The following ANKRD45 variants were observed in gnomAD, a reference collection of about 807,000 sequenced individuals.
ANKRD45 encodes ankyrin repeat domain 45, also known as ankyrin repeat domain-containing protein 45.
Under a neutral mutation model 28.1 loss-of-function variants are expected in ANKRD45, and 21 were observed. The ratio of observed to expected loss-of-function variants is 0.75; its 90% CI spans 0.53 to 1.08. The LOEUF (loss-of-function observed/expected upper bound fraction) is 1.08. Ranked by LOEUF, ANKRD45 falls within the 50% of genes least tolerant of loss-of-function variation. The pLI, the probability that ANKRD45 is intolerant of heterozygous loss-of-function variation, is 0.00. For missense variants in ANKRD45, 261 were observed against 308.7 expected (o/e 0.85, Z 1.16); for synonymous variants, 86 against 103.9 (o/e 0.83, Z 1.05).
chr1:173,714,653 A>G, the ANKRD45 span, among the ~76,000 whole-genome samples: 1 of 152,252 alleles, frequency 6.6e-6, no homozygotes, highest in Non-Finnish European at 1.5e-5. Context: ...CTAAAAAGAA[A>G]TACAAATTCT....
At chr1:173,632,528 C>CAA (rs539157127) in intron 3 of ANKRD45, among the ~76,000 whole-genome samples, 193 of 114,676 alleles carry the variant, frequency 1.7e-3, no homozygotes, top group African/African-American at 5.3e-3. Context: ...AAAGACACAT[C>CAA]AAAAAAAAAA....
Position 173,610,058 on chromosome 1 carries a change from C to G in ANKRD45, c.*87G>C, listed in dbSNP as rs1667074793. On this transcript the variant is annotated 3_prime_UTR_variant, in exon 6 of 6. Transcript: ENST00000333279. ...TTGTACTTAAATACTTAAAGAAACCCACATCTGTTTTCTCGATTTCAAATG... is the reference window on the plus strand; with the variant it reads ...TTGTACTTAAATACTTAAAGAAACCGACATCTGTTTTCTCGATTTCAAATG... The G allele has an allele frequency of 1.5e-6, 2 of 1,318,830 alleles. No individual in the cohort carries two copies. The highest frequency in any genetic ancestry group is 1.5e-5 in the African/African-American group (1 of 67,838). The allele number at this position is 1,318,830 out of a possible 1,614,324, so 81.7% of individuals were successfully genotyped here.
the ANKRD45 span, among the ~76,000 whole-genome samples, chr1:173,688,791 GTCTC>G: frequency 1.2e-4 from 16 of 128,098 alleles, no homozygotes; most frequent in Admixed American, 9.0e-4. Context: ...TTTCCTCTCT[GTCTC>G]TCTCTCTCTT....
At chr1:173,657,470 GA>G (rs761648464) in intron 2 of ANKRD45, 329 of 141,184 alleles carry the variant, frequency 2.3e-3, no homozygotes, top group South Asian at 0.014. Context: ...TCTGTCTCAA[GA>G]AAAAAAAAAA....
At chr1:173,656,535 A>C (rs1380439903) in intron 2 of ANKRD45, among the ~76,000 whole-genome samples, 2 of 152,210 alleles carry the variant, frequency 1.3e-5, no homozygotes, top group African/African-American at 4.8e-5. Context: ...TCTGGAGAAA[A>C]AAGCCCTGAT....
chr1:173,641,252 G>C (rs1302799883), intron 3 of ANKRD45, among the ~76,000 whole-genome samples: 2 of 152,150 alleles, frequency 1.3e-5, no homozygotes, highest in East Asian at 3.8e-4. Flanking sequence ...CGATTGTTAC[G>C]CTTGTGCACA....
At chr1:173,673,590 T>C (rs892964355), upstream of ANKRD45, among the ~76,000 whole-genome samples, 10 of 150,258 alleles carry the variant, frequency 6.7e-5, no homozygotes, top group Non-Finnish European at 4.4e-5. Context: ...AAATTATCTC[T>C]AATCCTTATA....
chr1:173,708,273 G>A, the ANKRD45 span, among the ~76,000 whole-genome samples: 1 of 152,184 alleles, frequency 6.6e-6, no homozygotes, highest in African/African-American at 2.4e-5. Flanking sequence ...AATCCTAAAT[G>A]TGACATTATT....
intron 5 of ANKRD45, 61 bp downstream of exon 5, chr1:173,624,723 TAAC>T (rs1280159187): frequency 4.7e-6 from 7 of 1,494,820 alleles, no homozygotes; most frequent in Non-Finnish European, 6.4e-6. Context: ...ATCTCAAAAA[TAAC>T]AACATTGAAC....
At chr1:173,699,184 C>T in the ANKRD45 span, among the ~76,000 whole-genome samples, 3 of 152,162 alleles carry the variant, frequency 2.0e-5, no homozygotes, top group South Asian at 6.2e-4. Context: ...TAATTAATAG[C>T]CTACCAACCA....
intron 2 of ANKRD45, among the ~76,000 whole-genome samples, chr1:173,654,911 A>T (rs539090874): frequency 1.3e-5 from 2 of 152,258 alleles, no homozygotes; most frequent in South Asian, 4.1e-4. Flanking sequence ...TTGTGCATGC[A>T]TCACATAGTT....
At chr1:173,635,133 C>T (rs1353443925) in intron 3 of ANKRD45, among the ~76,000 whole-genome samples, 1 of 152,002 alleles carries the variant, frequency 6.6e-6, no homozygotes, top group Admixed American at 6.6e-5. Flanking sequence ...AAAGTGTTCA[C>T]TTTTAAGAAA....
the ANKRD45 span, among the ~76,000 whole-genome samples, chr1:173,697,002 G>A: frequency 6.6e-6 from 1 of 152,180 alleles, no homozygotes; most frequent in African/African-American, 2.4e-5. Context: ...ACCATGGCAG[G>A]AGAACTATGT....
intron 5 of ANKRD45, among the ~76,000 whole-genome samples, chr1:173,618,870 G>C (rs931796957): frequency 6.6e-6 from 1 of 152,146 alleles, no homozygotes; most frequent in Non-Finnish European, 1.5e-5. Flanking sequence ...AAGAAAAAAT[G>C]TTAAAAGTGG....
the ANKRD45 span, among the ~76,000 whole-genome samples, chr1:173,681,073 A>G: frequency 6.6e-6 from 1 of 152,100 alleles, no homozygotes; most frequent in Non-Finnish European, 1.5e-5. Context: ...TGGCACATAT[A>G]TACCTATGTA....
At chr1:173,686,518 G>A in the ANKRD45 span, among the ~76,000 whole-genome samples, 3 of 152,082 alleles carry the variant, frequency 2.0e-5, no homozygotes, top group Admixed American at 6.6e-5. Flanking sequence ...TCCACCCTTT[G>A]ATGAGAACAT....
intron 5 of ANKRD45, among the ~76,000 whole-genome samples, chr1:173,623,260 G>A (rs1364658883): frequency 6.6e-6 from 1 of 151,888 alleles, no homozygotes; most frequent in African/African-American, 2.4e-5. Context: ...TTACAGTGGA[G>A]GCGGGGGTTG....
chr1:173,613,279 C>T (rs1441277050), intron 5 of ANKRD45, among the ~76,000 whole-genome samples: 6 of 151,684 alleles, frequency 4.0e-5, no homozygotes, highest in African/African-American at 1.5e-4. Flanking sequence ...TCTGCCCGGC[C>T]GCCCCGTCTG....
chr1:173,653,637 A>G (rs1465983436), intron 2 of ANKRD45, among the ~76,000 whole-genome samples: 2 of 152,164 alleles, frequency 1.3e-5, no homozygotes, highest in Non-Finnish European at 2.9e-5. Flanking sequence ...AGCTGAGTTC[A>G]AGTCCTGGAT....
Sources: gnomAD v4.1 joint callset for allele counts (sites outside exome capture counted in the v4.1 genomes callset) on GRCh38, gnomAD v4.1.1 for gene constraint, MANE v1.5 for transcripts, NCBI Gene and HGNC (gene_info 2026-07-23, HGNC 2026-07-21) for gene names.